The following TNFAIP8 variants were observed in gnomAD, a reference collection of about 807,000 sequenced individuals.
TNFAIP8 encodes the protein tumor necrosis factor alpha-induced protein 8.
Under a neutral mutation model 13.3 loss-of-function variants are expected in TNFAIP8, and 7 were observed. That is an observed-to-expected ratio of 0.52 (90% CI 0.30 to 0.99). TNFAIP8 has a LOEUF of 0.99. Ranked by LOEUF, TNFAIP8 falls within the 50% of genes least tolerant of loss-of-function variation. TNFAIP8 has a pLI of 0.07. For missense variants in TNFAIP8, 258 were observed against 236.9 expected, an observed-to-expected ratio of 1.09 and a Z score of -0.58; for synonymous variants, 94 against 87.6, an observed-to-expected ratio of 1.07 and a Z score of -0.41.
chr5:119,317,712 C>A (rs1018922660), intron 1 of TNFAIP8, among the ~76,000 whole-genome samples: 1 of 151,964 alleles, frequency 6.6e-6, no homozygotes, highest in Non-Finnish European at 1.5e-5. Flanking sequence ...GATTCTCCTG[C>A]GTCAGCCTCC....
chr5:119,340,286 C>A (rs1204090057), intron 1 of TNFAIP8, among the ~76,000 whole-genome samples: 1 of 152,148 alleles, frequency 6.6e-6, no homozygotes, highest in African/African-American at 2.4e-5. Flanking sequence ...CCTTTATTAC[C>A]AGGGGGGCTT....
intron 1 of TNFAIP8, among the ~76,000 whole-genome samples, chr5:119,295,829 T>C (rs891297059): frequency 6.6e-6 from 1 of 152,172 alleles, no homozygotes; most frequent in African/African-American, 2.4e-5. Context: ...GTAGTTCTCC[T>C]TGAAGAGGTC....
chr5:119,314,921 A>G (rs1749840108), intron 1 of TNFAIP8, among the ~76,000 whole-genome samples: 1 of 152,052 alleles, frequency 6.6e-6, no homozygotes, highest in Non-Finnish European at 1.5e-5. Flanking sequence ...ATTTTCTGTC[A>G]CCTAGGCTGG....
intron 1 of TNFAIP8, chr5:119,333,125 CTG>C (rs1750436094): frequency 1.3e-6 from 1 of 759,118 alleles, no homozygotes; most frequent in Non-Finnish European, 1.6e-6. Context: ...TTCTAAGTAT[CTG>C]TTTCTATTTT....
At chr5:119,343,857 G>T (rs143937554) in intron 1 of TNFAIP8, among the ~76,000 whole-genome samples, 1 of 152,138 alleles carries the variant, frequency 6.6e-6, no homozygotes, top group Non-Finnish European at 1.5e-5. Context: ...AGCTGCCCCC[G>T]CTGTGTGACC....
At chr5:119,330,700 A>G (rs150496364) in intron 1 of TNFAIP8, among the ~76,000 whole-genome samples, 22 of 152,348 alleles carry the variant, frequency 1.4e-4, no homozygotes, top group African/African-American at 5.3e-4. Context: ...AGATGCCGAG[A>G]TAACGTGGAG....
chr5:119,288,562 CTCTT>C (rs1314072694), intron 1 of TNFAIP8, among the ~76,000 whole-genome samples: 7 of 152,306 alleles, frequency 4.6e-5, no homozygotes, highest in Admixed American at 1.3e-4. Flanking sequence ...CAAGCAATGG[CTCTT>C]TATTTAGAAA....
chr5:119,303,797 G>C (rs1749464822), intron 1 of TNFAIP8, among the ~76,000 whole-genome samples: 1 of 152,158 alleles, frequency 6.6e-6, no homozygotes, highest in African/African-American at 2.4e-5. Context: ...TTGTTTAAGT[G>C]AACCCTATAG....
intron 1 of TNFAIP8, among the ~76,000 whole-genome samples, chr5:119,334,845 T>G (rs72786161): frequency 0.058 from 8,855 of 152,048 alleles, 284 homozygotes; most frequent in Middle Eastern, 0.071. Context: ...CCAGCTTTGC[T>G]TGGGAGGATT....
chr5:119,320,777 T>C (rs1313832825), intron 1 of TNFAIP8, among the ~76,000 whole-genome samples: 1 of 149,350 alleles, frequency 6.7e-6, no homozygotes, highest in Non-Finnish European at 1.5e-5. Context: ...TTTTTTCTCC[T>C]ACCTGAATAA....
At chr5:119,385,412 C>T (rs1752631872) in intron 1 of TNFAIP8, among the ~76,000 whole-genome samples, 1 of 152,082 alleles carries the variant, frequency 6.6e-6, no homozygotes, top group Non-Finnish European at 1.5e-5. Flanking sequence ...TATTTTTGGC[C>T]CATTACCTTT....
chr5:119,328,799 TTTAA>T (rs1032058503), intron 1 of TNFAIP8, among the ~76,000 whole-genome samples: 1 of 152,178 alleles, frequency 6.6e-6, no homozygotes, highest in African/African-American at 2.4e-5. Context: ...AAATTGAGAG[TTTAA>T]TTAGTTTAGT....
chr5:119,346,027 GGT>G (rs1750890581), intron 1 of TNFAIP8, among the ~76,000 whole-genome samples: 1 of 152,142 alleles, frequency 6.6e-6, no homozygotes, highest in South Asian at 2.1e-4. Context: ...GTGGGCCGTG[GGT>G]CTGATAGAGC....
rs751739999 is a variant in TNFAIP8, at chr5:119,361,173, G to A, written c.31+5052G>A. 1.1e-4 allele frequency among the ~76,000 whole-genome samples: 16 copies of A among 152,310 alleles called. 1 individual carries two copies. Among genetic ancestry groups the A allele is most frequent in the Middle Eastern group, 6.8e-3 (2 of 294 alleles). ...CTCTGGAGCACATTGCAGCAGGCCCGGTGCACTCTGGGAGTCAGGACACCT... is the reference window on the plus strand; with the variant it reads ...CTCTGGAGCACATTGCAGCAGGCCCAGTGCACTCTGGGAGTCAGGACACCT... On this transcript the variant is annotated intron_variant, in intron 1 of 1. Coordinates refer to ENST00000504771, the MANE Select transcript of TNFAIP8 (RefSeq NM_014350.4).
chr5:119,376,992 T>C (rs1187079124), intron 1 of TNFAIP8, among the ~76,000 whole-genome samples: 1 of 152,240 alleles, frequency 6.6e-6, no homozygotes, highest in Non-Finnish European at 1.5e-5. Flanking sequence ...CCTATATTGC[T>C]GCTTGACGTA....
chr5:119,355,127 G>C, upstream of TNFAIP8: 2 of 576,170 alleles, frequency 3.5e-6, no homozygotes, highest in East Asian at 3.0e-5. Context: ...GGCCAGACCC[G>C]GGGGCAGAAT....
chr5:119,279,547 T>C (rs1013968817), intron 1 of TNFAIP8, among the ~76,000 whole-genome samples: 2 of 152,154 alleles, frequency 1.3e-5, no homozygotes, highest in Non-Finnish European at 2.9e-5. Context: ...TAAGAGGTTA[T>C]TTTGTTATTT....
At chr5:119,308,199 C>T (rs1416578196) in intron 1 of TNFAIP8, among the ~76,000 whole-genome samples, 3 of 152,080 alleles carry the variant, frequency 2.0e-5, no homozygotes, top group African/African-American at 4.8e-5. Flanking sequence ...GAACTGATAG[C>T]GTTCTTGCAA....
At chr5:119,302,786 C>G (rs1474758113) in intron 1 of TNFAIP8, among the ~76,000 whole-genome samples, 9 of 152,202 alleles carry the variant, frequency 5.9e-5, no homozygotes. Context: ...AGCAAACTCT[C>G]TTATCATATG....
Sources: allele counts gnomAD v4.1 joint callset (sites outside exome capture counted in the v4.1 genomes callset), GRCh38; gene constraint gnomAD v4.1.1; transcripts MANE v1.5; gene names NCBI Gene and HGNC (gene_info 2026-07-23, HGNC 2026-07-21).